MRPS2: variants seen among roughly 807,000 people sequenced by gnomAD.
MRPS2 encodes the protein small ribosomal subunit protein uS2m.
A neutral mutation model predicts 18.9 loss-of-function variants in MRPS2; 13 were observed. That is an observed-to-expected ratio of 0.69 (90% CI 0.45 to 1.09). The LOEUF (loss-of-function observed/expected upper bound fraction) is 1.09. MRPS2 is among the 50% of genes least tolerant of loss of function. The pLI is 0.00. For missense variants in MRPS2, 389 were observed against 421.7 expected, an observed-to-expected ratio of 0.92 and a Z score of 0.68; for synonymous variants, 186 against 178.4, an observed-to-expected ratio of 1.04 and a Z score of -0.34.
At chr9:135,500,091 A>C, upstream of MRPS2, 1 of 511,910 alleles carries the variant, frequency 2.0e-6, no homozygotes. Context: ...CCGCGGGGGG[A>C]CCGGGCCACC....
At position 135,500,732 on chromosome 9, in the gene MRPS2, C is replaced by G; in HGVS notation, c.22C>G (p.Leu8Val). 1 of 1,485,562 alleles carries G rather than the reference C, an allele frequency of 6.7e-7. No individual in the cohort carries two copies. The allele number at this position is 1,485,562 out of a possible 1,614,324, so 92.0% of individuals were successfully genotyped here. The change falls in exon 1 of 4, where the codon CTG becomes GTG. Residue 8 changes from leucine (L) to valine (V), a missense_variant. Leu to Val is a conservative substitution (Grantham distance 32). Coordinates refer to ENST00000241600, the MANE Select transcript of MRPS2 (RefSeq NM_016034.5). ...AGCCATGGCGACATCCTCGGCCGCGCTGCCCCGAATACTCGGCGCGGGTGA... is the reference window on the plus strand; with the variant it reads ...AGCCATGGCGACATCCTCGGCCGCGGTGCCCCGAATACTCGGCGCGGGTGA... The part of the protein sequence containing the change: MATSSAA[L>V]PRILGAGARA...
chr9:135,501,759 G>T, intron 2 of MRPS2, 85 bp from the exon 3 acceptor site: 1 of 1,565,340 alleles, frequency 6.4e-7, no homozygotes, highest in Non-Finnish European at 8.7e-7. Flanking sequence ...AGGCACTTGG[G>T]AGCAGGGGTG....
chr9:135,503,748 G>T lies in MRPS2; in HGVS notation c.506G>T (p.Arg169Leu). ...ARDCGEYAHT[R>L]YFRGGMLTNA... Reference sequence around the variant, plus strand: ...GACTGTGGCGAGTACGCCCACACTCGCTACTTCAGGGGCGGCATGCTGACC... The same window carrying T: ...GACTGTGGCGAGTACGCCCACACTCTCTACTTCAGGGGCGGCATGCTGACC... Residue 169 changes from arginine (R) to leucine (L), a missense_variant, in exon 4 of 4, where the codon CGC (arginine) becomes CTC (leucine). Physicochemically the swap from Arg to Leu is moderately radical, Grantham distance 102. Transcript: ENST00000241600. 1 of 1,612,994 alleles carries T rather than the reference G, an allele frequency of 6.2e-7. No homozygotes were observed. Among genetic ancestry groups the T allele is most frequent in the African/African-American group, 1.3e-5 (1 of 75,026 alleles).
chr9:135,504,052 C>T lies in MRPS2; in HGVS notation c.810C>T (p.Leu270=). ...AKEKRQQVEA[L]YRLQGQKEPG... ...AGAAGCGGCAGCAGGTTGAGGCTCT[C>T]TATCGCCTGCAGGGCCAGAAGGAGC... The change falls in exon 4 of 4, where the codon CTC becomes CTT. Residue 270 remains leucine (L), a synonymous_variant. Transcript: ENST00000241600. This position sits in a 1 kb window ranked among gnomAD's most constrained non-coding sequence, Gnocchi z 4.3. 1 of 1,613,118 alleles carries T rather than the reference C, an allele frequency of 6.2e-7. No homozygotes were observed. The highest frequency in any genetic ancestry group is 8.5e-7 in the Non-Finnish European group (1 of 1,180,020).
Position 135,501,830 on chromosome 9 carries a change from C to T in MRPS2, c.170-14C>T, listed in dbSNP as rs1260429722. 6.2e-7 allele frequency: 1 copy of T among 1,612,878 alleles called. No individual in the cohort carries two copies. Among genetic ancestry groups the T allele is most frequent in the Non-Finnish European group, 8.5e-7 (1 of 1,179,748 alleles). ...CGGTGGGAGACGCAGCGTCGCTCCT[C>T]CTCCCTGCCGTAGATTTCAACGACA... On this transcript the variant is annotated splice_polypyrimidine_tract_variant and intron_variant, in intron 2 of 3. Transcript: ENST00000241600.
At chr9:135,501,502 C>A in intron 2 of MRPS2, 3 of 790,106 alleles carry the variant, frequency 3.8e-6, no homozygotes, top group Admixed American at 4.4e-5. Flanking sequence ...TTCTGGCTGG[C>A]CACCTGAGAC....
chr9:135,500,666 C>A (rs1036884495), upstream of MRPS2: 5 of 1,412,996 alleles, frequency 3.5e-6, no homozygotes, highest in Non-Finnish European at 4.6e-6. Flanking sequence ...GGAGGCCGCT[C>A]GGCCTGGCCT....
Position 135,502,972 on chromosome 9 carries a change from AACCGCAAATGTGGATG to A in MRPS2, c.300-567_300-552del, listed in dbSNP as rs1160832820. Among the ~76,000 whole-genome samples, 14 of 152,166 alleles carry A rather than the reference AACCGCAAATGTGGATG, an allele frequency of 9.2e-5. No individual in the cohort carries two copies. The East Asian group carries it at 2.3e-3, about 25-fold the overall frequency. ...AGTAGACTGGAGGTGAGGACCTGGGAACCGCAAATGTGGATGACTCGCCTGTCACGCACCGAGAGGC... is the reference window on the plus strand; with the variant it reads ...AGTAGACTGGAGGTGAGGACCTGGGAACTCGCCTGTCACGCACCGAGAGGC... On this transcript the variant is annotated intron_variant, in intron 3 of 3. Transcript: ENST00000241600.
intron 1 of MRPS2, 22 bp downstream of exon 1, chr9:135,500,775 C>T: frequency 6.7e-7 from 1 of 1,482,170 alleles, no homozygotes; most frequent in Non-Finnish European, 8.9e-7. Flanking sequence ...CTTGCGGGAC[C>T]CTGGGGAGGA....
intron 1 of MRPS2, 45 bp downstream of exon 1, chr9:135,500,798 G>T: frequency 6.7e-7 from 1 of 1,490,058 alleles, no homozygotes; most frequent in Non-Finnish European, 8.9e-7. Context: ...ATGCGAGGAG[G>T]ATGCGGAGGG....
Position 135,503,994 on chromosome 9 carries a change from G to A in MRPS2, c.752G>A (p.Arg251Lys), listed in dbSNP as rs150104838. 289 of 1,613,612 alleles carry A rather than the reference G, an allele frequency of 1.8e-4. 1 individual carries two copies. In the Middle Eastern group the frequency reaches 2.0e-3, roughly 11 times the overall value. The change falls in exon 4 of 4, where the codon AGG (arginine) becomes AAG (lysine). Residue 251 changes from arginine (R) to lysine (K), a missense_variant. Transcript: ENST00000241600. ...DSPLAVHLYC[R>K]LFQTAITRAK... is the part of the protein sequence containing the mutation. Reference sequence around the variant, plus strand: ...CCGCTGGCTGTGCACCTCTACTGCAGGCTCTTCCAGACGGCCATCACCCGG... The same window carrying A: ...CCGCTGGCTGTGCACCTCTACTGCAAGCTCTTCCAGACGGCCATCACCCGG...
At chr9:135,502,069 T>C (rs574482137) in intron 3 of MRPS2, 96 bp downstream of exon 3, 1 of 1,566,946 alleles carries the variant, frequency 6.4e-7, no homozygotes, top group East Asian at 2.3e-5. Context: ...CCTATGTCAG[T>C]TTTAGGTGAT....
Position 135,503,967 on chromosome 9 carries a change from C to G in MRPS2, c.725C>G (p.Ser242Cys), listed in dbSNP as rs766505012. Reference sequence around the variant, plus strand: ...TACCCTGTACCCGGCAATGACGACTCTCCGCTGGCTGTGCACCTCTACTGC... The same window carrying G: ...TACCCTGTACCCGGCAATGACGACTGTCCGCTGGCTGTGCACCTCTACTGC... ...ITYPVPGNDD[S>C]PLAVHLYCRL... The change falls in exon 4 of 4, where the codon TCT (serine) becomes TGT (cysteine). Residue 242 changes from serine to cysteine, a missense_variant. Ser to Cys is a moderately radical substitution (Grantham distance 112, BLOSUM62 -1). Coordinates refer to ENST00000241600, the MANE Select transcript of MRPS2 (RefSeq NM_016034.5). The G allele has an allele frequency of 2.5e-6, 4 of 1,613,740 alleles. No individual in the cohort carries two copies. The African/African-American group carries it at 4.0e-5, about 16-fold the overall frequency.
intron 3 of MRPS2, chr9:135,502,212 G>A: frequency 7.5e-7 from 1 of 1,339,538 alleles, no homozygotes; most frequent in South Asian, 1.6e-5. Flanking sequence ...GCCTGCTGGG[G>A]GTTGCAGGAC....
intron 3 of MRPS2, chr9:135,503,151 C>G: frequency 9.4e-7 from 1 of 1,067,344 alleles, no homozygotes; most frequent in South Asian, 3.3e-5. Flanking sequence ...CCCGCTAAGT[C>G]CAACCCCAGA....
upstream of MRPS2, chr9:135,500,651 G>C: frequency 7.1e-7 from 1 of 1,401,132 alleles, no homozygotes; most frequent in Non-Finnish European, 9.2e-7. Flanking sequence ...GATGGCGACG[G>C]AAGGGGAGGC....
At chr9:135,502,009 C>A (rs763654202) in intron 3 of MRPS2, 36 bp downstream of exon 3, 1 of 1,612,090 alleles carries the variant, frequency 6.2e-7, no homozygotes, top group South Asian at 1.1e-5. Context: ...GGGGCGGTTC[C>A]CAGGAGGAAC....
intron 2 of MRPS2, chr9:135,501,328 T>G (rs541167644): frequency 2.9e-6 from 4 of 1,398,362 alleles, no homozygotes; most frequent in Non-Finnish European, 3.7e-6. Context: ...ATGGATAGGG[T>G]GAGAGGGAGC....
rs747391422 is a variant in MRPS2 at position 135,504,079 on chromosome 9, C to G, written c.837C>G (p.Pro279=). The change falls in exon 4 of 4, where the codon CCC becomes CCG. Residue 279 remains proline (P), a synonymous_variant. Coordinates refer to ENST00000241600, the MANE Select transcript of MRPS2 (RefSeq NM_016034.5). The surrounding 1 kb of genome is among the most constrained non-coding windows in gnomAD (Gnocchi z 4.3). ...ATCGCCTGCAGGGCCAGAAGGAGCC[C>G]GGGGACCAGGGGCCAGCCCACCCTC... ...ALYRLQGQKE[P]GDQGPAHPPG... is the part of the protein sequence containing the mutation. 4 of 1,612,432 alleles carry G rather than the reference C, an allele frequency of 2.5e-6. No homozygotes were observed. The highest frequency in any genetic ancestry group is 2.2e-5 in the East Asian group (1 of 44,874).
Sources: allele counts gnomAD v4.1 joint callset (sites outside exome capture counted in the v4.1 genomes callset), GRCh38; gene constraint gnomAD v4.1.1; non-coding constraint Gnocchi (gnomAD v3.1); transcripts MANE v1.5; gene names NCBI Gene and HGNC (gene_info 2026-07-23, HGNC 2026-07-21).